Variants in NPR3 observed in about 807,000 individuals in gnomAD.
NPR3 encodes the protein atrial natriuretic peptide receptor 3.
A neutral mutation model predicts 54.5 loss-of-function variants in NPR3; 34 were observed. The observed-to-expected ratio is 0.62, with a 90% CI of 0.47 to 0.83. The LOEUF (loss-of-function observed/expected upper bound fraction) is 0.83. Ranked by LOEUF, NPR3 falls within the 40% of genes least tolerant of loss-of-function variation. The pLI is 0.00. For missense variants in NPR3, 674 were observed against 720.8 expected (o/e 0.94, Z 0.74); for synonymous variants, 289 against 297.1 (o/e 0.97, Z 0.28).
chr5:32,720,798 G>T (rs146857225), intron 1 of NPR3, among the ~76,000 whole-genome samples: 174 of 152,198 alleles, frequency 1.1e-3, no homozygotes, highest in African/African-American at 4.0e-3. Flanking sequence ...ATCACCTGTT[G>T]GTAGGTGCTG....
At chr5:32,728,370 C>T (rs945862440) in intron 2 of NPR3, among the ~76,000 whole-genome samples, 7 of 150,134 alleles carry the variant, frequency 4.7e-5, no homozygotes, top group Admixed American at 1.3e-4. Flanking sequence ...GGCTGAGGCA[C>T]GAGAATTGCT....
upstream of NPR3, among the ~76,000 whole-genome samples, chr5:32,704,868 T>G (rs1737944755): frequency 6.6e-6 from 1 of 152,232 alleles, no homozygotes; most frequent in African/African-American, 2.4e-5. Context: ...TCAAATCCTT[T>G]TTGGAAGAAG....
At chr5:32,732,038 G>C (rs961790321) in intron 2 of NPR3, among the ~76,000 whole-genome samples, 3 of 151,720 alleles carry the variant, frequency 2.0e-5, no homozygotes, top group Admixed American at 6.6e-5. Flanking sequence ...TCAGGAGATC[G>C]AGACCATCCT....
chr5:32,693,790 C>T (rs529289962), intron 1 of NPR3, among the ~76,000 whole-genome samples: 11 of 152,260 alleles, frequency 7.2e-5, no homozygotes, highest in African/African-American at 2.2e-4. Context: ...AGCCCTGGGC[C>T]GGACATTTTT....
intron 2 of NPR3, among the ~76,000 whole-genome samples, chr5:32,734,664 C>T (rs1739634137): frequency 6.6e-6 from 1 of 152,224 alleles, no homozygotes; most frequent in Non-Finnish European, 1.5e-5. Flanking sequence ...AAAGCTGTGC[C>T]ACCCAATGGA....
rs188384954 is a variant in NPR3, at chr5:32,769,931, G to A, written c.1060-4777G>A. The stretch of plus-strand genomic sequence containing the variant: ...GCGACGTGGCTCGCTGCCACGGTTG[G>A]GAGCCAGGCTGTGAGCACCAACTCT... On this transcript the variant is annotated intron_variant, in intron 3 of 7. Transcript: ENST00000265074. Among the ~76,000 whole-genome samples, 25 of 152,280 alleles carry A rather than the reference G, an allele frequency of 1.6e-4. No homozygotes were observed. In the East Asian group the frequency reaches 4.4e-3, roughly 27 times the overall value.
intron 3 of NPR3, among the ~76,000 whole-genome samples, chr5:32,742,016 G>A (rs898640217): frequency 1.6e-4 from 25 of 151,530 alleles, no homozygotes; most frequent in Non-Finnish European, 2.1e-4. Context: ...GGCTGGGTTC[G>A]CAGAGACTAG....
intron 1 of NPR3, chr5:32,716,589 A>G (rs1394868136): frequency 2.6e-5 from 9 of 341,054 alleles, no homozygotes; most frequent in Non-Finnish European, 5.2e-5. Flanking sequence ...TAGCCACTGC[A>G]TTCCAGCCTG....
chr5:32,712,932 A>C (rs1187241709), intron 1 of NPR3, among the ~76,000 whole-genome samples: 1 of 152,140 alleles, frequency 6.6e-6, no homozygotes, highest in Non-Finnish European at 1.5e-5. Context: ...GGCGGAAAGA[A>C]CTTGTTCCCC....
chr5:32,773,623 C>T (rs565262766), intron 3 of NPR3, among the ~76,000 whole-genome samples: 2 of 152,236 alleles, frequency 1.3e-5, no homozygotes, highest in African/African-American at 4.8e-5. Context: ...TAACTCAGTT[C>T]GACTTTTTTT....
At position 32,787,838 on chromosome 5, in the gene NPR3, G is replaced by A. The variant is rs538978747; in HGVS notation, c.*1493G>A. 5.3e-5 allele frequency: 8 copies of A among 152,296 alleles called. No individual in the cohort carries two copies. Among genetic ancestry groups the A allele is most frequent in the South Asian group, 2.1e-4 (1 of 4,826 alleles). The allele number at this position is 152,296 out of a possible 1,614,324, so 9.4% of individuals were successfully genotyped here. On this transcript the variant is annotated 3_prime_UTR_variant, in exon 8 of 8. Transcript: ENST00000265074. ...TGGGAAGCTGTCATGAGAGTGCACC[G>A]TCTTGGAATTACATAACTGGGGTCT...
At chr5:32,773,130 C>T (rs1245264846) in intron 3 of NPR3, among the ~76,000 whole-genome samples, 1 of 152,150 alleles carries the variant, frequency 6.6e-6, no homozygotes, top group Non-Finnish European at 1.5e-5. Flanking sequence ...GGGCGGGTAG[C>T]AGGTTTTCCC....
chr5:32,743,987 A>ATCTTTTTTTT (rs1425701544), intron 3 of NPR3, among the ~76,000 whole-genome samples: 4 of 113,834 alleles, frequency 3.5e-5, no homozygotes, highest in African/African-American at 1.0e-4. Context: ...ATTCTGATGC[A>ATCTTTTTTTT]TTTTTTTTTT....
chr5:32,738,714 G>A, intron 2 of NPR3, 150 bp from the exon 3 acceptor site: 3 of 624,066 alleles, frequency 4.8e-6, no homozygotes, highest in Non-Finnish European at 5.6e-6. Flanking sequence ...TCTTGACGTT[G>A]TCCCATCATA....
In NPR3 at chr5:32,790,776, A is replaced by G. The variant is rs1669293613; in HGVS notation, c.*4431A>G. 1 of 167,080 alleles carries G rather than the reference A, an allele frequency of 6.0e-6. No individual in the cohort carries two copies. Among genetic ancestry groups the G allele is most frequent in the African/African-American group, 2.4e-5 (1 of 41,466 alleles). The allele number at this position is 167,080 out of a possible 1,614,324, so 10.3% of individuals were successfully genotyped here. On this transcript the variant is annotated 3_prime_UTR_variant, in exon 8 of 8. Transcript: ENST00000265074. The stretch of plus-strand genomic sequence containing the variant: ...GCTGTCAGTGTTCAAGTTTTAAGTG[A>G]CTTCAAACACAATGGAAGTGTTTCA...
At chr5:32,720,253 C>T (rs551026829) in intron 1 of NPR3, among the ~76,000 whole-genome samples, 2 of 152,292 alleles carry the variant, frequency 1.3e-5, no homozygotes, top group East Asian at 1.9e-4. Flanking sequence ...TTAGGCTCAA[C>T]AATCAGACAT....
intron 1 of NPR3, among the ~76,000 whole-genome samples, chr5:32,712,893 T>C (rs1738337450): frequency 6.6e-6 from 1 of 152,292 alleles, no homozygotes; most frequent in African/African-American, 2.4e-5. Context: ...TCCCAGTGCC[T>C]GGCTCCATCC....
Position 32,786,618 on chromosome 5 carries a change from T to C in NPR3, c.*273T>C, listed in dbSNP as rs569179778. ...TTTCAAGCCCATATGATTAGATTTA[T>C]GTTTTTAAAATCTGTTGTCTCCATA... On this transcript the variant is annotated 3_prime_UTR_variant, in exon 8 of 8. Transcript: ENST00000265074. 5.6e-6 allele frequency: 2 copies of C among 355,876 alleles called. No homozygotes were observed. Among genetic ancestry groups the C allele is most frequent in the African/African-American group, 2.2e-5 (1 of 46,330 alleles). 22.0% of individuals were successfully genotyped at this position (355,876 alleles called of 1,614,324 possible).
At chr5:32,699,387 T>C (rs1740610505) in intron 1 of NPR3, among the ~76,000 whole-genome samples, 1 of 152,188 alleles carries the variant, frequency 6.6e-6, no homozygotes, top group Admixed American at 6.5e-5. Flanking sequence ...TTGCTGCACT[T>C]ATCAAATTAA....
Sources: gnomAD v4.1 joint callset for allele counts (sites outside exome capture counted in the v4.1 genomes callset) on GRCh38, gnomAD v4.1.1 for gene constraint, MANE v1.5 for transcripts, NCBI Gene and HGNC (gene_info 2026-07-23, HGNC 2026-07-21) for gene names.